KAZN: variants seen among roughly 807,000 people sequenced by gnomAD.
KAZN encodes the protein kazrin, periplakin interacting protein.
In KAZN, 40 loss-of-function variants were observed where a neutral mutation model predicts 87.4. That is an observed-to-expected ratio of 0.46 (90% CI 0.36 to 0.60). The LOEUF is 0.60. Ranked by LOEUF, KAZN falls within the 20% of genes least tolerant of loss-of-function variation. The pLI, the probability that KAZN is intolerant of heterozygous loss-of-function variation, is 0.00. For synonymous variants in KAZN, 466 were observed against 458.3 expected (o/e 1.02, Z -0.22); for missense variants, 898 against 1,073.9 (o/e 0.84, Z 2.29).
At chr1:14,879,826 C>T (rs551079740) in intron 1 of KAZN, among the ~76,000 whole-genome samples, 2 of 152,252 alleles carry the variant, frequency 1.3e-5, no homozygotes, top group African/African-American at 4.8e-5. Context: ...AGGTAGTGAC[C>T]ACCATCGAAT....
At chr1:14,938,337 T>C (rs1006055914) in intron 1 of KAZN, among the ~76,000 whole-genome samples, 7 of 151,698 alleles carry the variant, frequency 4.6e-5, no homozygotes, top group Admixed American at 6.6e-5. Context: ...AGGTCAGGAG[T>C]TCGAGACCAG....
chr1:15,070,869 T>C (rs926405722), intron 8 of KAZN, among the ~76,000 whole-genome samples: 3 of 152,228 alleles, frequency 2.0e-5, no homozygotes, highest in Admixed American at 1.3e-4. Context: ...ATAAAATATC[T>C]CTGGGTTTTC....
intron 1 of KAZN, among the ~76,000 whole-genome samples, chr1:14,133,260 G>A (rs1434449305): frequency 6.6e-6 from 1 of 151,726 alleles, no homozygotes; most frequent in East Asian, 1.9e-4. Flanking sequence ...CCAGCTACTT[G>A]GGAGGCTGAG....
At chr1:15,049,968 G>A (rs997661383) in intron 4 of KAZN, among the ~76,000 whole-genome samples, 1 of 152,068 alleles carries the variant, frequency 6.6e-6, no homozygotes, top group African/African-American at 2.4e-5. Context: ...GCAGTGAGCT[G>A]AGATCACACC....
At chr1:14,118,817 C>T (rs773496195) in intron 1 of KAZN, among the ~76,000 whole-genome samples, 5 of 152,010 alleles carry the variant, frequency 3.3e-5, no homozygotes, top group Non-Finnish European at 5.9e-5. Flanking sequence ...GGGATAGAGC[C>T]GGGAATGTCT....
At chr1:13,979,375 A>G (rs1450378727) in intron 1 of KAZN, among the ~76,000 whole-genome samples, 1 of 152,244 alleles carries the variant, frequency 6.6e-6, no homozygotes, top group African/African-American at 2.4e-5. Flanking sequence ...AGGTGACAAT[A>G]GAATGACATC....
chr1:15,094,698 T>A lies in KAZN; in HGVS notation c.1429-117T>A. 1.4e-6 allele frequency: 1 copy of A among 726,970 alleles called. No homozygotes were observed. The highest frequency in any genetic ancestry group is 2.3e-6 in the Non-Finnish European group (1 of 438,866). 45.0% of individuals were successfully genotyped at this position (726,970 alleles called of 1,614,324 possible). On this transcript the variant is annotated intron_variant, in intron 9 of 14. Coordinates refer to ENST00000376030, the MANE Select transcript of KAZN (RefSeq NM_201628.3). This position sits in a 1 kb window ranked among gnomAD's most constrained non-coding sequence, Gnocchi z 4.5. Reference sequence around the variant, plus strand: ...AGGTTTCCATGTGCCCTGACCCCACTGTATGAAAGGTGGGCAGGAGATGGG... The same window carrying A: ...AGGTTTCCATGTGCCCTGACCCCACAGTATGAAAGGTGGGCAGGAGATGGG...
chr1:13,993,945 A>T (rs1639398220), intron 1 of KAZN, among the ~76,000 whole-genome samples: 1 of 152,236 alleles, frequency 6.6e-6, no homozygotes, highest in South Asian at 2.1e-4. Context: ...ATTGGGAGCC[A>T]TTTTGTTTTA....
intron 8 of KAZN, among the ~76,000 whole-genome samples, chr1:15,068,730 G>A (rs1049987631): frequency 3.3e-5 from 5 of 152,002 alleles, no homozygotes; most frequent in African/African-American, 7.2e-5. Flanking sequence ...TGTATGTCCC[G>A]AGAAGAGGGT....
intron 2 of KAZN, among the ~76,000 whole-genome samples, chr1:15,005,775 G>A (rs1201078975): frequency 2.0e-5 from 3 of 147,782 alleles, no homozygotes; most frequent in African/African-American, 7.6e-5. Context: ...ATGGCAGAGC[G>A]ATACAACTCC....
intron 2 of KAZN, among the ~76,000 whole-genome samples, chr1:14,294,586 T>C (rs1653972893): frequency 6.6e-6 from 1 of 150,576 alleles, no homozygotes; most frequent in African/African-American, 2.4e-5. Flanking sequence ...CACACCAGTC[T>C]ACCTGACTCT....
upstream of KAZN, among the ~76,000 whole-genome samples, chr1:14,595,222 G>T (rs1676418906): frequency 6.6e-6 from 1 of 152,092 alleles, no homozygotes; most frequent in African/African-American, 2.4e-5. Flanking sequence ...TTATGGGGGG[G>T]CAGCATCAAA....
chr1:14,344,932 T>C (rs1279738121), intron 2 of KAZN, among the ~76,000 whole-genome samples: 1 of 146,970 alleles, frequency 6.8e-6, no homozygotes, highest in African/African-American at 2.5e-5. Context: ...TTTTTTTTTT[T>C]CCTTGAGATG....
chr1:13,925,528 C>G (rs533336289), intron 1 of KAZN, among the ~76,000 whole-genome samples: 2 of 151,214 alleles, frequency 1.3e-5, no homozygotes, highest in East Asian at 3.9e-4. Flanking sequence ...GGTCTAAAGA[C>G]CCTGCGATAG....
At chr1:14,998,021 C>T (rs1411151310) in intron 2 of KAZN, among the ~76,000 whole-genome samples, 2 of 152,064 alleles carry the variant, frequency 1.3e-5, no homozygotes, top group Non-Finnish European at 2.9e-5. Flanking sequence ...TGGTTTTAAT[C>T]GTGTTTGGTT....
chr1:15,101,914 AT>A (rs1641085914), intron 11 of KAZN, 140 bp downstream of exon 11: 1 of 657,480 alleles, frequency 1.5e-6, no homozygotes, highest in African/African-American at 1.8e-5. Context: ...CCATCCATTT[AT>A]TGATCATCCG....
At chr1:14,876,642 A>G (rs1180219521) in intron 1 of KAZN, among the ~76,000 whole-genome samples, 1 of 152,206 alleles carries the variant, frequency 6.6e-6, no homozygotes, top group Non-Finnish European at 1.5e-5. Context: ...CTCTGTTTAC[A>G]TTAGTCTGCC....
chr1:14,834,192 C>T (rs551604536), intron 1 of KAZN, among the ~76,000 whole-genome samples: 6 of 151,798 alleles, frequency 4.0e-5, no homozygotes, highest in African/African-American at 1.2e-4. Flanking sequence ...TCTGCCACCA[C>T]GCCTGGCTAA....
At chr1:14,602,088 G>T (rs1191270722) in intron 1 of KAZN, among the ~76,000 whole-genome samples, 1 of 152,114 alleles carries the variant, frequency 6.6e-6, no homozygotes, top group Non-Finnish European at 1.5e-5. Context: ...ATGACAACGG[G>T]CAGTAGGTAG....
Sources: gnomAD v4.1 joint callset for allele counts (sites outside exome capture counted in the v4.1 genomes callset) on GRCh38, gnomAD v4.1.1 for gene constraint, Gnocchi (gnomAD v3.1) non-coding constraint, MANE v1.5 for transcripts, NCBI Gene and HGNC (gene_info 2026-07-23, HGNC 2026-07-21) for gene names.